RNF207: variants seen among roughly 807,000 people sequenced by gnomAD.
The protein encoded by RNF207 is ring finger protein 207, also known as OTTHUMG00000001089.
RNF207 carries 72 observed loss-of-function variants against 79.0 expected under a neutral mutation model. The ratio of observed to expected loss-of-function variants is 0.91; its 90% CI spans 0.75 to 1.11. The LOEUF (loss-of-function observed/expected upper bound fraction) is 1.11, where lower values mean the gene tolerates loss of function less well. RNF207 is among the 50% of genes least tolerant of loss of function. The pLI is 0.00. For synonymous variants in RNF207, 348 were observed against 366.2 expected, an observed-to-expected ratio of 0.95 and a Z score of 0.57; for missense variants, 936 against 855.8, an observed-to-expected ratio of 1.09 and a Z score of -1.17.
rs764115567 is a variant in RNF207 at position 6,207,358 on chromosome 1, G to C, written c.192-21G>C. The C allele has an allele frequency of 6.7e-5, 101 of 1,500,208 alleles. No homozygotes were observed. Among genetic ancestry groups the C allele is most frequent in the Non-Finnish European group, 8.7e-5 (98 of 1,124,840 alleles). The allele number at this position is 1,500,208 out of a possible 1,614,324, so 92.9% of individuals were successfully genotyped here. A position where few individuals can be genotyped will look rare whatever the true frequency, so the allele number is the denominator to read the frequency against. ...CCTGGGGAAGGGGTATCAGAATCTC[G>C]GGGCCTGGGCTTCTCTGCAGACACC... On this transcript the variant is annotated intron_variant, in intron 2 of 17. Transcript: ENST00000377939. The surrounding 1 kb of genome is among the most constrained non-coding windows in gnomAD (Gnocchi z 4.5).
In RNF207 at chr1:6,208,925, A is replaced by T; in HGVS notation, c.369A>T (p.Leu123=). 1.3e-6 allele frequency: 2 copies of T among 1,534,664 alleles called. No homozygotes were observed. The highest frequency in any genetic ancestry group is 1.7e-6 in the Non-Finnish European group (2 of 1,145,554). ...TYFCNTCGQP[L]CARCRDETHR... The stretch of plus-strand genomic sequence containing the variant: ...TCTGCAACACGTGCGGACAGCCCCT[A>T]TGCGCGCGCTGCCGCGACGAGACGC... Residue 123 remains leucine, a synonymous_variant, in exon 4 of 18, where the codon CTA becomes CTT. Coordinates refer to ENST00000377939, the MANE Select transcript of RNF207 (RefSeq NM_207396.3).
chr1:6,211,728 A>G lies in RNF207; in HGVS notation c.1110-139A>G, dbSNP rs1668173737. 2 of 624,106 alleles carry G rather than the reference A, an allele frequency of 3.2e-6. No homozygotes were observed. Among genetic ancestry groups the G allele is most frequent in the East Asian group, 5.5e-5 (2 of 36,138 alleles). The allele number at this position is 624,106 out of a possible 1,614,324, so 38.7% of individuals were successfully genotyped here. On this transcript the variant is annotated intron_variant, in intron 12 of 17. Transcript: ENST00000377939. The surrounding 1 kb of genome is among the most constrained non-coding windows in gnomAD (Gnocchi z 4.2). Reference sequence around the variant, plus strand: ...GTGAGGCCTTGCCTCAGCCTTTTCAAATCTCCTGGTGGCTCTGCTGTGCTC... The same window carrying G: ...GTGAGGCCTTGCCTCAGCCTTTTCAGATCTCCTGGTGGCTCTGCTGTGCTC...
intron 3 of RNF207, chr1:6,208,156 T>A (rs760447211): frequency 1.6e-5 from 3 of 186,694 alleles, no homozygotes; most frequent in Non-Finnish European, 3.4e-5. Flanking sequence ...CAGCCCTGGG[T>A]CTGGCTTGGG....
At chr1:6,218,653 G>A (rs568355583) in intron 17 of RNF207, among the ~76,000 whole-genome samples, 1 of 152,302 alleles carries the variant, frequency 6.6e-6, no homozygotes, top group Admixed American at 6.5e-5. Flanking sequence ...GGAGCTGCAC[G>A]TGCTTATGCT....
At chr1:6,218,431 G>A (rs1410534713) in intron 17 of RNF207, 62 bp downstream of exon 17, 36 of 1,271,886 alleles carry the variant, frequency 2.8e-5, no homozygotes, top group Admixed American at 1.1e-4. Context: ...CCAACAGGAC[G>A]ACAAAGGAAA....
chr1:6,215,155 A>C (rs1668319564), intron 16 of RNF207, among the ~76,000 whole-genome samples: 1 of 151,092 alleles, frequency 6.6e-6, no homozygotes, highest in South Asian at 2.1e-4. Context: ...CAGCCTCCCG[A>C]GTAGCTGGGA....
At chr1:6,214,986 T>C (rs577892714) in intron 16 of RNF207, among the ~76,000 whole-genome samples, 34 of 151,828 alleles carry the variant, frequency 2.2e-4, no homozygotes, top group Non-Finnish European at 4.3e-4. Context: ...TGTTGGATAT[T>C]GGCTCCCCTG....
intron 3 of RNF207, chr1:6,208,680 C>A (rs1214390336): frequency 5.5e-6 from 3 of 540,736 alleles, no homozygotes; most frequent in Non-Finnish European, 9.6e-6. Context: ...GACCTACTTA[C>A]CCAGCCTCTG....
intron 13 of RNF207, 27 bp downstream of exon 13, chr1:6,212,080 G>T (rs1056988746): frequency 7.6e-6 from 12 of 1,578,400 alleles, no homozygotes; most frequent in Non-Finnish European, 1.0e-5. Context: ...CTGCCGGAGG[G>T]GGGAGATGTC....
In RNF207 at chr1:6,209,368, G is replaced by A. The variant is rs1006965078; in HGVS notation, c.627+25G>A. ...GGTGAGCGCAGGGGCCTGGCGCGCG[G>A]GGCCGCGCGGCGGCGATCGCGAGCC... On this transcript the variant is annotated intron_variant, in intron 6 of 17. Coordinates refer to ENST00000377939, the MANE Select transcript of RNF207 (RefSeq NM_207396.3). 3.3e-6 allele frequency: 5 copies of A among 1,529,040 alleles called. No individual in the cohort carries two copies. The African/African-American group carries it at 7.0e-5, about 21-fold the overall frequency. The allele number at this position is 1,529,040 out of a possible 1,614,324, so 94.7% of individuals were successfully genotyped here. A position where few individuals can be genotyped will look rare whatever the true frequency, so the allele number is the denominator to read the frequency against.
At position 6,209,984 on chromosome 1, in the gene RNF207, A is replaced by T; in HGVS notation, c.800+14A>T. On this transcript the variant is annotated intron_variant, in intron 8 of 17. Coordinates refer to ENST00000377939, the MANE Select transcript of RNF207 (RefSeq NM_207396.3). ...GGCTGTGCAGAGGTGAGTTGGGGGG[A>T]GCGGGGCTTGCTTCCCTTACCCCTT... 2 of 1,571,806 alleles carry T rather than the reference A, an allele frequency of 1.3e-6. No homozygotes were observed. Among genetic ancestry groups the T allele is most frequent in the Non-Finnish European group, 1.7e-6 (2 of 1,158,200 alleles).
Position 6,212,040 on chromosome 1 carries a change from A to G in RNF207, c.1283A>G (p.Glu428Gly). 1 of 1,601,324 alleles carries G rather than the reference A, an allele frequency of 6.2e-7. No homozygotes were observed. Among genetic ancestry groups the G allele is most frequent in the Non-Finnish European group, 8.5e-7 (1 of 1,174,484 alleles). ...TPFAEHCRHY[E>G]DSYRHLQAEM... is the part of the protein sequence containing the mutation. ...TTCGCAGAGCACTGCCGCCACTATG[A>G]GGACTCCTACCGGGTGAGGGGGCAG... The change falls in exon 13 of 18, where the codon GAG (glutamate) becomes GGG (glycine). Residue 428 changes from glutamate (E) to glycine (G), a missense_variant. Glu to Gly is a moderately conservative substitution (Grantham distance 98). Coordinates refer to ENST00000377939, the MANE Select transcript of RNF207 (RefSeq NM_207396.3).
At chr1:6,210,107 T>C in intron 8 of RNF207, 116 bp from the exon 9 acceptor site, 1 of 1,310,630 alleles carries the variant, frequency 7.6e-7, no homozygotes, top group Non-Finnish European at 1.1e-6. Flanking sequence ...GCAGCATGGC[T>C]CAGGGTGCAG....
chr1:6,213,182 A>G lies in RNF207; in HGVS notation c.1651A>G (p.Arg551Gly). ...CAAGGTGAAGGAGCGGCTGGAGCCC[A>G]GGTGAGGCCAAGGGGGTGTTCCCAG... ...IAKVKERLEPRFQAPVDEQSE... is the reference protein window; with the variant it reads ...IAKVKERLEPGFQAPVDEQSE... Residue 551 changes from arginine (R) to glycine (G), a missense_variant and splice_region_variant, in exon 16 of 18, where the codon AGG (arginine) becomes GGG (glycine). Arg to Gly is a moderately radical substitution (Grantham distance 125, BLOSUM62 -2). Transcript: ENST00000377939. 6.2e-7 allele frequency: 1 copy of G among 1,601,906 alleles called. No homozygotes were observed. The highest frequency in any genetic ancestry group is 8.5e-7 in the Non-Finnish European group (1 of 1,170,038).
rs766708056 is a variant in RNF207 at position 6,220,335 on chromosome 1, T to A, written c.*928T>A. 2.6e-5 allele frequency: 4 copies of A among 152,196 alleles called. No homozygotes were observed. The highest frequency in any genetic ancestry group is 5.9e-5 in the Non-Finnish European group (4 of 68,050). The allele number at this position is 152,196 out of a possible 1,614,324, so 9.4% of individuals were successfully genotyped here. A position where few individuals can be genotyped will look rare whatever the true frequency, so the allele number is the denominator to read the frequency against. Reference sequence around the variant, plus strand: ...TCCACACCTACGCACCGAGCGTCGGTGTGCCAGGCCCTGTGCTGGGCAGAG... The same window carrying A: ...TCCACACCTACGCACCGAGCGTCGGAGTGCCAGGCCCTGTGCTGGGCAGAG... On this transcript the variant is annotated 3_prime_UTR_variant, in exon 18 of 18. Transcript: ENST00000377939.
rs377158308 is a variant in RNF207, at chr1:6,210,362, TC to T, written c.874-3del. 821 of 1,613,286 alleles carry T rather than the reference TC, an allele frequency of 5.1e-4. 4 individuals are homozygous for T. In the African/African-American group the frequency reaches 9.2e-3, roughly 18 times the overall value. ...CGGCCAGGCACTGAGCAGCATCCCC[TC>T]CCCCAGGTCCACCTGGTCATCTGCT... On this transcript the variant is annotated splice_polypyrimidine_tract_variant and splice_region_variant and intron_variant, in intron 9 of 17. Transcript: ENST00000377939.
intron 3 of RNF207, chr1:6,208,115 T>C (rs1667986238): frequency 5.1e-6 from 1 of 196,224 alleles, no homozygotes; most frequent in Non-Finnish European, 1.1e-5. Context: ...CATGCGTCCA[T>C]ACCAGGGCTG....
chr1:6,208,903 G>C lies in RNF207; in HGVS notation c.347G>C (p.Cys116Ser). The change falls in exon 4 of 18, where the codon TGC (cysteine) becomes TCC (serine). Residue 116 changes from cysteine (C) to serine (S), a missense_variant. Transcript: ENST00000377939. ...CAGGACGTGGAGACCACGTACTTCT[G>C]CAACACGTGCGGACAGCCCCTATGC... The part of the protein sequence containing the change: ...SEQDVETTYF[C>S]NTCGQPLCAR... 6.5e-7 allele frequency: 1 copy of C among 1,533,006 alleles called. No individual in the cohort carries two copies. The highest frequency in any genetic ancestry group is 8.7e-7 in the Non-Finnish European group (1 of 1,144,958). The allele number at this position is 1,533,006 out of a possible 1,614,324, so 95.0% of individuals were successfully genotyped here. A position where few individuals can be genotyped will look rare whatever the true frequency, so the allele number is the denominator to read the frequency against.
rs569646988 is a variant in RNF207 at position 6,217,230 on chromosome 1, T to C, written c.1653-1059T>C. ...GCGCTCCCATGCTCCTGCCAGCCTC[T>C]CCAGCCGTTCCTTCCTGGTCTCTGG... On this transcript the variant is annotated intron_variant, in intron 16 of 17. Coordinates refer to ENST00000377939, the MANE Select transcript of RNF207 (RefSeq NM_207396.3). This position sits in a 1 kb window ranked among gnomAD's most constrained non-coding sequence, Gnocchi z 4.2. Among the ~76,000 whole-genome samples, 1 of 152,278 alleles carries C rather than the reference T, an allele frequency of 6.6e-6. No individual in the cohort carries two copies. Among genetic ancestry groups the C allele is most frequent in the East Asian group, 1.9e-4 (1 of 5,178 alleles).
Sources: gnomAD v4.1 joint callset for allele counts (sites outside exome capture counted in the v4.1 genomes callset) on GRCh38, gnomAD v4.1.1 for gene constraint, Gnocchi (gnomAD v3.1) non-coding constraint, MANE v1.5 for transcripts, NCBI Gene and HGNC (gene_info 2026-07-23, HGNC 2026-07-21) for gene names.